Variants in ZNF467 observed in about 807,000 individuals in gnomAD.
ZNF467 encodes zinc finger protein 467.
ZNF467 carries 51 observed loss-of-function variants against 47.8 expected under a neutral mutation model. The ratio of observed to expected loss-of-function variants is 1.07; its 90% CI spans 0.85 to 1.35. The LOEUF (loss-of-function observed/expected upper bound fraction) is 1.35, where lower values mean the gene tolerates loss of function less well. Ranked by LOEUF, ZNF467 falls within the 40% of genes most tolerant of loss-of-function variation. ZNF467 has a pLI of 0.00. For missense variants in ZNF467, 992 were observed against 858.1 expected (o/e 1.16, Z -1.95); for synonymous variants, 416 against 372.9 (o/e 1.12, Z -1.33).
At chr7:149,767,268 G>A (rs1799254008) in intron 4 of ZNF467, among the ~76,000 whole-genome samples, 1 of 152,246 alleles carries the variant, frequency 6.6e-6, no homozygotes, top group Admixed American at 6.5e-5. Context: ...CCTGGGAAAC[G>A]TTGAGAAAAT....
chr7:149,769,206 A>G lies in ZNF467; in HGVS notation c.152-6T>C. On this transcript the variant is annotated splice_region_variant and splice_polypyrimidine_tract_variant and intron_variant, in intron 3 of 4. Transcript: ENST00000302017. This position sits in a 1 kb window ranked among gnomAD's most constrained non-coding sequence, Gnocchi z 5.3. ...CGGTGTAGGGGCCTCGTGCCCTGGC[A>G]GAGAATAGGATACCTCAAGGACTCT... is the stretch of plus-strand genomic sequence containing the variant. 2 of 1,551,368 alleles carry G rather than the reference A, an allele frequency of 1.3e-6. No individual in the cohort carries two copies. Among genetic ancestry groups the G allele is most frequent in the Non-Finnish European group, 1.7e-6 (2 of 1,146,912 alleles).
intron 4 of ZNF467, among the ~76,000 whole-genome samples, chr7:149,766,635 C>T (rs1200605373): frequency 2.6e-5 from 4 of 152,220 alleles, no homozygotes; most frequent in Non-Finnish European, 4.4e-5. Context: ...CAGCAGCTCT[C>T]CTTGGTACTG....
At chr7:149,773,858 G>A (rs1799505049), upstream of ZNF467, among the ~76,000 whole-genome samples, 2 of 152,152 alleles carry the variant, frequency 1.3e-5, no homozygotes, top group African/African-American at 4.8e-5. Flanking sequence ...CAGACCCGCA[G>A]CCCCTCGCCT....
At position 149,764,928 on chromosome 7, in the gene ZNF467, CT is replaced by C. The variant is rs2117381407; in HGVS notation, c.1573del (p.Ser525AlafsTer6). 6.4e-7 allele frequency: 1 copy of C among 1,574,272 alleles called. No homozygotes were observed. The highest frequency in any genetic ancestry group is 2.3e-5 in the East Asian group (1 of 44,220). The stretch of plus-strand genomic sequence containing the variant: ...GTGGCGGACTAGGTTGGTTTTGGAG[CT>C]GAAGCTGCGGGCGCAGACGGCGCAG... Reference protein sequence around the residue: ...HACAVCARSFSSKTNLVRHQA... With the variant: ...HACAVCARSFXSKTNLVRHQA... On this transcript the variant is annotated frameshift_variant, in exon 5 of 5. Transcript: ENST00000302017. LOFTEE classifies it high-confidence loss of function.
chr7:149,766,065 C>G lies in ZNF467; in HGVS notation c.437G>C (p.Gly146Ala). 2 of 1,609,472 alleles carry G rather than the reference C, an allele frequency of 1.2e-6. No individual in the cohort carries two copies. The highest frequency in any genetic ancestry group is 1.7e-5 in the Admixed American group (1 of 59,446). ...LEPGAPGALS[G>A]LALSGWGPMP... is the part of the protein sequence containing the mutation. ...CGGACCCCACCCAGACAGCGCGAGC[C>G]CACTCAGTGCCCCCGGGGCCCCTGG... Residue 146 changes from glycine to alanine, a missense_variant, in exon 5 of 5, where the codon GGG (glycine) becomes GCG (alanine). Coordinates refer to ENST00000302017, the MANE Select transcript of ZNF467 (RefSeq NM_207336.3).
upstream of ZNF467, chr7:149,776,208 G>A (rs549928076): frequency 1.4e-4 from 53 of 376,644 alleles, no homozygotes; most frequent in Non-Finnish European, 2.0e-4. Context: ...CTCCACCCCC[G>A]CCACTTCCCA....
Position 149,765,105 on chromosome 7 carries a change from C to T in ZNF467, c.1397G>A (p.Arg466His), listed in dbSNP as rs779995089. The T allele has an allele frequency of 6.8e-6, 10 of 1,467,204 alleles. No homozygotes were observed. In the South Asian group the frequency reaches 1.2e-4, roughly 17 times the overall value. The allele number at this position is 1,467,204 out of a possible 1,614,324, so 90.9% of individuals were successfully genotyped here. The change falls in exon 5 of 5, where the codon CGC becomes CAC. Residue 466 changes from arginine (R) to histidine (H), a missense_variant. Arg to His is a conservative substitution (Grantham distance 29). Transcript: ENST00000302017. ...CAGATTAGGCCGCGAGCCGAAGCGGCGGTCACACTGCGTGCAGGCGAAGGG... is the reference window on the plus strand; with the variant it reads ...CAGATTAGGCCGCGAGCCGAAGCGGTGGTCACACTGCGTGCAGGCGAAGGG... ...ERPFACTQCD[R>H]RFGSRPNLVA...
intron 1 of ZNF467, 59 bp downstream of exon 1, chr7:149,773,049 C>G (rs1333730625): frequency 6.7e-6 from 1 of 150,264 alleles, no homozygotes; most frequent in Non-Finnish European, 1.5e-5. Context: ...GTGACCCAAC[C>G]GCGGCGCTGA....
Position 149,771,089 on chromosome 7 carries a change from C to T in ZNF467, c.-42-15G>A. 10 of 1,611,692 alleles carry T rather than the reference C, an allele frequency of 6.2e-6. No individual in the cohort carries two copies. The highest frequency in any genetic ancestry group is 2.2e-5 in the East Asian group (1 of 44,880). On this transcript the variant is annotated splice_polypyrimidine_tract_variant and intron_variant, in intron 1 of 4. Coordinates refer to ENST00000302017, the MANE Select transcript of ZNF467 (RefSeq NM_207336.3). ...GGCCACAGAACCTATGGAGAAAAGA[C>T]AGCCTTGTTCAGATTTTTCCCACGC...
Position 149,765,959 on chromosome 7 carries a change from C to A in ZNF467, c.543G>T (p.Leu181=). ...DQLTLRLHQR[L]HRGEGPCACP... Reference sequence around the variant, plus strand: ...AGGCGCAGGGGCCCTCGCCCCGGTGCAGCCGCTGGTGCAGTCGCAACGTCA... The same window carrying A: ...AGGCGCAGGGGCCCTCGCCCCGGTGAAGCCGCTGGTGCAGTCGCAACGTCA... The change falls in exon 5 of 5, where the codon CTG becomes CTT. Residue 181 remains leucine (L), a synonymous_variant. Coordinates refer to ENST00000302017, the MANE Select transcript of ZNF467 (RefSeq NM_207336.3). 1 of 1,552,792 alleles carries A rather than the reference C, an allele frequency of 6.4e-7. No individual in the cohort carries two copies. The highest frequency in any genetic ancestry group is 8.7e-7 in the Non-Finnish European group (1 of 1,149,180).
chr7:149,766,297 A>C, intron 4 of ZNF467, 58 bp from the exon 5 acceptor site: 1 of 1,506,906 alleles, frequency 6.6e-7, no homozygotes, highest in Non-Finnish European at 8.9e-7. Context: ...CGTCTATTTA[A>C]CCACAGGATC....
rs774964589 is a variant in ZNF467, at chr7:149,765,037, A to G, written c.1465T>C (p.Cys489Arg). 3.9e-6 allele frequency: 6 copies of G among 1,540,130 alleles called. No individual in the cohort carries two copies. The highest frequency in any genetic ancestry group is 1.2e-5 in the South Asian group (1 of 85,662). The change falls in exon 5 of 5, where the codon TGC (cysteine) becomes CGC (arginine). Residue 489 changes from cysteine (C) to arginine (R), a missense_variant. Physicochemically the swap from Cys to Arg is radical, Grantham distance 180. Transcript: ENST00000302017. ...RAHSGARPFA[C>R]AQCGRRFSRK... Reference sequence around the variant, plus strand: ...CTGAAGCGGCGGCCGCACTGAGCGCAGGCGAAAGGCCTGGCGCCGCTGTGG... The same window carrying G: ...CTGAAGCGGCGGCCGCACTGAGCGCGGGCGAAAGGCCTGGCGCCGCTGTGG...
rs1799492757 is a variant in ZNF467 at position 149,773,490 on chromosome 7, AGGGG to A, written c.-429_-426del. ...TGGAAGTGGGAGCTCAGGACGGGGG[AGGGG>A]AGGGGAGGGGAGGGGAGGGTGATGG... is the stretch of plus-strand genomic sequence containing the variant. On this transcript the variant is annotated 5_prime_UTR_variant, in exon 1 of 5. Coordinates refer to ENST00000302017, the MANE Select transcript of ZNF467 (RefSeq NM_207336.3). 1 of 2,754 alleles carries A rather than the reference AGGGG, an allele frequency of 3.6e-4. No homozygotes were observed. The highest frequency in any genetic ancestry group is 6.1e-4 in the Non-Finnish European group (1 of 1,630). The allele number at this position is 2,754 out of a possible 1,614,324, so 0.2% of individuals were successfully genotyped here. A position where few individuals can be genotyped will look rare whatever the true frequency, so the allele number is the denominator to read the frequency against.
Position 149,769,193 on chromosome 7 carries a change from C to A in ZNF467, c.159G>T (p.Glu53Asp). Residue 53 changes from glutamate (E) to aspartate (D), a missense_variant, in exon 4 of 5, where the codon GAG becomes GAT. Coordinates refer to ENST00000302017, the MANE Select transcript of ZNF467 (RefSeq NM_207336.3). The surrounding 1 kb of genome is among the most constrained non-coding windows in gnomAD (Gnocchi z 5.3). ...GGGCACCTTCCTCCGGTGTAGGGGC[C>A]TCGTGCCCTGGCAGAGAATAGGATA... is the stretch of plus-strand genomic sequence containing the variant. ...ERALGVCSGH[E>D]APTPEEGAHT... 1 of 1,555,784 alleles carries A rather than the reference C, an allele frequency of 6.4e-7. No individual in the cohort carries two copies. Among genetic ancestry groups the A allele is most frequent in the Non-Finnish European group, 8.7e-7 (1 of 1,149,100 alleles).
At position 149,765,704 on chromosome 7, in the gene ZNF467, G is replaced by A. The variant is rs761666329; in HGVS notation, c.798C>T (p.His266=). The change falls in exon 5 of 5, where the codon CAC becomes CAT. Residue 266 remains histidine (H), a synonymous_variant. Coordinates refer to ENST00000302017, the MANE Select transcript of ZNF467 (RefSeq NM_207336.3). The part of the protein sequence containing the change: ...KIHLGSHQKT[H]TGERPFPCTE... The stretch of plus-strand genomic sequence containing the variant: ...TGCAGGGGAAGGGCCGCTCGCCGGT[G>A]TGGGTCTTTTGGTGCGAGCCCAGGT... 2 of 1,613,634 alleles carry A rather than the reference G, an allele frequency of 1.2e-6. No homozygotes were observed. Among genetic ancestry groups the A allele is most frequent in the Non-Finnish European group, 1.7e-6 (2 of 1,179,866 alleles).
At position 149,773,236 on chromosome 7, in the gene ZNF467, C is replaced by T. The variant is rs1356776838; in HGVS notation, c.-171G>A. The stretch of plus-strand genomic sequence containing the variant: ...GCTGACGGCCTGAAAGACTGACAGA[C>T]TGACAGCCCCGAAACTTCGCGGGGA... On this transcript the variant is annotated 5_prime_UTR_variant, in exon 1 of 5. Transcript: ENST00000302017. The T allele has an allele frequency of 6.6e-6, 1 of 151,246 alleles. No homozygotes were observed. The highest frequency in any genetic ancestry group is 1.5e-5 in the Non-Finnish European group (1 of 67,828). 9.4% of individuals were successfully genotyped at this position (151,246 alleles called of 1,614,324 possible).
intron 1 of ZNF467, among the ~76,000 whole-genome samples, chr7:149,772,678 G>T (rs41554): frequency 1.2e-4 from 17 of 147,176 alleles, no homozygotes; most frequent in South Asian, 6.6e-4. Flanking sequence ...CCAGGTCCCG[G>T]CCCCCTCCCC....
chr7:149,766,323 C>A, intron 4 of ZNF467, 84 bp from the exon 5 acceptor site: 1 of 1,497,792 alleles, frequency 6.7e-7, no homozygotes, highest in Non-Finnish European at 8.9e-7. Context: ...TTCCTGGAGC[C>A]CCGCGGTCTG....
chr7:149,773,956 G>C (rs1043286694), upstream of ZNF467, among the ~76,000 whole-genome samples: 1 of 152,198 alleles, frequency 6.6e-6, no homozygotes, highest in East Asian at 1.9e-4. Context: ...TTGCGAGAAC[G>C]GGTCCTTCGA....
Sources: gnomAD v4.1 joint callset for allele counts (sites outside exome capture counted in the v4.1 genomes callset) on GRCh38, gnomAD v4.1.1 for gene constraint, Gnocchi (gnomAD v3.1) non-coding constraint, MANE v1.5 for transcripts, NCBI Gene and HGNC (gene_info 2026-07-23, HGNC 2026-07-21) for gene names.